Variants in ADGRG7 observed in about 807,000 individuals in gnomAD.
ADGRG7 encodes G-protein coupled receptor 128.
ADGRG7 carries 82 observed loss-of-function variants against 88.6 expected under a neutral mutation model. The observed-to-expected ratio is 0.93, with a 90% confidence interval of 0.77 to 1.11. The LOEUF (loss-of-function observed/expected upper bound fraction) is 1.11. Among genes scored for constraint, ADGRG7 ranks in the 50% most tolerant of loss-of-function variants. The pLI is 0.00. For missense variants in ADGRG7, 945 were observed against 953.4 expected (o/e 0.99, Z 0.12); for synonymous variants, 381 against 345.2 (o/e 1.10, Z -1.15).
intron 1 of ADGRG7, among the ~76,000 whole-genome samples, chr3:100,627,042 C>T (rs188107456): frequency 2.0e-5 from 3 of 152,134 alleles, no homozygotes; most frequent in African/African-American, 7.2e-5. Flanking sequence ...GCAATTCCTT[C>T]TTAATTTTAC....
intron 11 of ADGRG7, chr3:100,654,093 G>A (rs554116573): frequency 5.0e-4 from 76 of 152,270 alleles, no homozygotes; most frequent in African/African-American, 1.8e-3. Flanking sequence ...GAAGAGGAGA[G>A]GCCAGGCTCC....
intron 1 of ADGRG7, among the ~76,000 whole-genome samples, chr3:100,613,519 A>T (rs1707184425): frequency 6.9e-6 from 1 of 145,376 alleles, no homozygotes; most frequent in African/African-American, 2.5e-5. Context: ...TTGCTTCCTC[A>T]CATAACCACC....
chr3:100,666,827 T>C (rs2094952458), intron 14 of ADGRG7, among the ~76,000 whole-genome samples: 1 of 152,090 alleles, frequency 6.6e-6, no homozygotes, highest in Admixed American at 6.6e-5. Flanking sequence ...CCTGGGTACT[T>C]GAGATTAGGG....
At chr3:100,643,791 C>T (rs1324708215) in intron 8 of ADGRG7, among the ~76,000 whole-genome samples, 158 bp downstream of exon 8, 1 of 152,210 alleles carries the variant, frequency 6.6e-6, no homozygotes, top group African/African-American at 2.4e-5. Flanking sequence ...GTAATCTCAA[C>T]TCTACTATTC....
chr3:100,658,200 T>A (rs189304355), intron 13 of ADGRG7, among the ~76,000 whole-genome samples: 23 of 152,284 alleles, frequency 1.5e-4, no homozygotes, highest in Non-Finnish European at 2.5e-4. Context: ...ATCCAACCCA[T>A]CAATAAATTA....
chr3:100,630,678 A>G (rs1245890287), intron 2 of ADGRG7, 27 bp from the exon 3 acceptor site: 4 of 1,091,028 alleles, frequency 3.7e-6, no homozygotes, highest in Non-Finnish European at 4.9e-6. Flanking sequence ...ACAATTTATA[A>G]TAAAGAACTT....
chr3:100,677,093 G>C (rs1211831003), intron 15 of ADGRG7, among the ~76,000 whole-genome samples: 2 of 151,854 alleles, frequency 1.3e-5, no homozygotes, highest in African/African-American at 4.8e-5. Context: ...TGTTATTATT[G>C]TGTTATTATT....
In ADGRG7 at chr3:100,643,622, A is replaced by G. The variant is rs753405254; in HGVS notation, c.935A>G (p.Asn312Ser). ...CAGACTGAGCTTCAGGTCTTGCTTA[A>G]TATGACGAAAAGTAAGTCTCAAACT... ...DAQTELQVLL[N>S]MTKNYTKTCG... Residue 312 changes from asparagine (N) to serine (S), a missense_variant, in exon 8 of 16, where the codon AAT becomes AGT. By Grantham distance (46) the Asn-to-Ser change is conservative. Transcript: ENST00000273352. 1.9e-6 allele frequency: 3 copies of G among 1,610,900 alleles called. No homozygotes were observed. Among genetic ancestry groups the G allele is most frequent in the Admixed American group, 3.3e-5 (2 of 59,804 alleles).
chr3:100,690,155 G>C (rs983781987), intron 15 of ADGRG7, among the ~76,000 whole-genome samples: 1 of 152,102 alleles, frequency 6.6e-6, no homozygotes, highest in Non-Finnish European at 1.5e-5. Flanking sequence ...CTTTCTTCCA[G>C]TTGATCGCAT....
At position 100,694,788 on chromosome 3, in the gene ADGRG7, C is replaced by T. The variant is rs1449841799; in HGVS notation, c.2181C>T (p.Phe727=). 2.5e-6 allele frequency: 4 copies of T among 1,614,044 alleles called. No homozygotes were observed. Among genetic ancestry groups the T allele is most frequent in the South Asian group, 2.2e-5 (2 of 91,076 alleles). The part of the protein sequence containing the change: ...FILYTVRTKV[F]QSEASKVLML... ...TGTACACTGTTAGAACAAAAGTCTTCCAGAGTGAAGCTTCCAAAGTGTTGA... is the reference window on the plus strand; with the variant it reads ...TGTACACTGTTAGAACAAAAGTCTTTCAGAGTGAAGCTTCCAAAGTGTTGA... The change falls in exon 16 of 16, where the codon TTC becomes TTT. Residue 727 remains phenylalanine (F), a synonymous_variant. Transcript: ENST00000273352.
chr3:100,660,167 A>C (rs2094943339), intron 14 of ADGRG7, among the ~76,000 whole-genome samples: 1 of 152,244 alleles, frequency 6.6e-6, no homozygotes, highest in Admixed American at 6.5e-5. Context: ...ATATTTGGAT[A>C]ATTAAAGAAA....
chr3:100,665,391 A>G, intron 14 of ADGRG7: 1 of 540,498 alleles, frequency 1.9e-6, no homozygotes. Context: ...CAATAGAAGC[A>G]TTGTTTGTTT....
intron 15 of ADGRG7, among the ~76,000 whole-genome samples, chr3:100,690,227 C>T (rs766219252): frequency 2.0e-5 from 3 of 152,136 alleles, no homozygotes; most frequent in Non-Finnish European, 4.4e-5. Flanking sequence ...AGCTCCATCA[C>T]GTCCTTTAAG....
rs77507026 is a variant in ADGRG7 at position 100,641,907 on chromosome 3, G to A, written c.699-1359G>A. Reference sequence around the variant, plus strand: ...TACAGCACTAATCAAAAAAAACCCCGTTTCCAAGAATCTGATGACTTATTT... The same window carrying A: ...TACAGCACTAATCAAAAAAAACCCCATTTCCAAGAATCTGATGACTTATTT... On this transcript the variant is annotated intron_variant, in intron 6 of 15. Coordinates refer to ENST00000273352, the MANE Select transcript of ADGRG7 (RefSeq NM_032787.3). 2.9e-3 allele frequency among the ~76,000 whole-genome samples: 438 copies of A among 152,242 alleles called. 3 individuals carry two copies. The highest frequency in any genetic ancestry group is 3.9e-3 in the Non-Finnish European group (265 of 68,006).
At chr3:100,645,520 G>A (rs1707728746) in intron 8 of ADGRG7, among the ~76,000 whole-genome samples, 1 of 152,158 alleles carries the variant, frequency 6.6e-6, no homozygotes, top group African/African-American at 2.4e-5. Context: ...TAGCCATCCT[G>A]GTGTCCCAAG....
At chr3:100,694,178 A>G (rs925046027) in intron 15 of ADGRG7, among the ~76,000 whole-genome samples, 1 of 152,262 alleles carries the variant, frequency 6.6e-6, no homozygotes, top group African/African-American at 2.4e-5. Flanking sequence ...AGGGTCTGAT[A>G]CTGATATGAC....
intron 5 of ADGRG7, 64 bp from the exon 6 acceptor site, chr3:100,637,238 T>C: frequency 9.5e-7 from 1 of 1,053,386 alleles, no homozygotes; most frequent in East Asian, 2.4e-5. Context: ...TTCATGATGA[T>C]AATGATGGTG....
chr3:100,625,530 G>T (rs1051744859), intron 1 of ADGRG7, among the ~76,000 whole-genome samples: 1 of 152,076 alleles, frequency 6.6e-6, no homozygotes, highest in African/African-American at 2.4e-5. Flanking sequence ...TCTTTCTCTT[G>T]CCTGATTGCC....
chr3:100,658,196 C>T (rs549060559), intron 13 of ADGRG7, among the ~76,000 whole-genome samples: 22 of 152,298 alleles, frequency 1.4e-4, no homozygotes, highest in African/African-American at 5.3e-4. Context: ...CCACATCCAA[C>T]CCATCAATAA....
Sources: gnomAD v4.1 joint callset for allele counts (sites outside exome capture counted in the v4.1 genomes callset) on GRCh38, gnomAD v4.1.1 for gene constraint, MANE v1.5 for transcripts, NCBI Gene and HGNC (gene_info 2026-07-23, HGNC 2026-07-21) for gene names.